Variants in HIPK2 observed in about 807,000 individuals in gnomAD.
HIPK2 encodes homeodomain interacting protein kinase 2.
Under a neutral mutation model 113.7 loss-of-function variants are expected in HIPK2, and 27 were observed. The observed-to-expected ratio is 0.24, with a 90% CI of 0.17 to 0.33. HIPK2 has a LOEUF of 0.33. HIPK2 is among the 10% of genes least tolerant of loss of function. HIPK2 has a pLI of 1.00. For synonymous variants in HIPK2, 631 were observed against 642.2 expected (o/e 0.98, Z 0.26); for missense variants, 1,257 against 1,588.0 (o/e 0.79, Z 3.54).
intron 9 of HIPK2, among the ~76,000 whole-genome samples, chr7:139,604,948 C>A (rs1799571110): frequency 6.6e-6 from 1 of 152,116 alleles, no homozygotes; most frequent in South Asian, 2.1e-4. Context: ...TGCCTAGTAT[C>A]CTTTATTTAA....
intron 2 of HIPK2, among the ~76,000 whole-genome samples, chr7:139,698,751 C>A (rs1794628993): frequency 6.6e-6 from 1 of 152,184 alleles, no homozygotes; most frequent in Admixed American, 6.5e-5. Flanking sequence ...CCCACCCCGC[C>A]ACCATCAAGT....
intron 2 of HIPK2, among the ~76,000 whole-genome samples, chr7:139,660,483 C>T (rs1470746452): frequency 6.6e-6 from 1 of 152,198 alleles, no homozygotes; most frequent in Admixed American, 6.5e-5. Context: ...GAAATAAAGT[C>T]ATTGTTTGCT....
intron 1 of HIPK2, among the ~76,000 whole-genome samples, chr7:139,762,535 A>C (rs957077281): frequency 1.3e-5 from 2 of 152,206 alleles, no homozygotes; most frequent in Non-Finnish European, 2.9e-5. Flanking sequence ...CTGTCTCAGA[A>C]TCACCCTTTG....
chr7:139,614,499 G>A lies in HIPK2; in HGVS notation c.1783-6C>T, dbSNP rs1340982225. The stretch of plus-strand genomic sequence containing the variant: ...GCACTGGTAGAGGAGGGAGCCTAAA[G>A]GAGTGATGGGGATTAAACAAAAATA... On this transcript the variant is annotated splice_polypyrimidine_tract_variant and splice_region_variant and intron_variant, in intron 7 of 14. Coordinates refer to ENST00000406875, the MANE Select transcript of HIPK2 (RefSeq NM_022740.5). 1 of 1,368,198 alleles carries A rather than the reference G, an allele frequency of 7.3e-7. No homozygotes were observed. The highest frequency in any genetic ancestry group is 1.5e-5 in the African/African-American group (1 of 67,244). The allele number at this position is 1,368,198 out of a possible 1,614,324, so 84.8% of individuals were successfully genotyped here. A position where few individuals can be genotyped will look rare whatever the true frequency, so the allele number is the denominator to read the frequency against.
chr7:139,757,665 AT>A (rs1170519099), intron 1 of HIPK2, among the ~76,000 whole-genome samples: 1 of 152,132 alleles, frequency 6.6e-6, no homozygotes, highest in Non-Finnish European at 1.5e-5. Context: ...TTGAATAGAA[AT>A]TTGACTAGTG....
At chr7:139,693,441 G>C (rs949991465) in intron 2 of HIPK2, among the ~76,000 whole-genome samples, 2 of 152,208 alleles carry the variant, frequency 1.3e-5, no homozygotes, top group Admixed American at 1.3e-4. Flanking sequence ...CAGTTGGAGA[G>C]AGAGCAGCAC....
At chr7:139,628,311 C>G (rs1163789887) in intron 5 of HIPK2, among the ~76,000 whole-genome samples, 1 of 152,166 alleles carries the variant, frequency 6.6e-6, no homozygotes, top group East Asian at 1.9e-4. Flanking sequence ...AACGGCTGCC[C>G]CAGGAAACAT....
At position 139,716,630 on chromosome 7, in the gene HIPK2, G is replaced by A. The variant is rs772830300; in HGVS notation, c.405C>T (p.Ser135=). The change falls in exon 2 of 15, where the codon AGC becomes AGT. Residue 135 remains serine, a synonymous_variant. Transcript: ENST00000406875. The surrounding 1 kb of genome is among the most constrained non-coding windows in gnomAD (Gnocchi z 9.3). ...TYQKCGLKRK[S]EEIENTSSVQ... ...CGCTGCTTGTGTTCTCGATCTCCTC[G>A]CTCTTACGCTTGAGTCCACATTTTT... 1.9e-5 allele frequency: 30 copies of A among 1,613,816 alleles called. No homozygotes were observed. The highest frequency in any genetic ancestry group is 5.0e-5 in the Admixed American group (3 of 60,002).
intron 2 of HIPK2, among the ~76,000 whole-genome samples, chr7:139,712,348 C>T (rs1468873935): frequency 4.6e-5 from 7 of 152,194 alleles, no homozygotes; most frequent in African/African-American, 7.2e-5. Flanking sequence ...TGTCTCACAC[C>T]GTTTCTGTGT....
chr7:139,624,862 T>C (rs1800371844), intron 6 of HIPK2, among the ~76,000 whole-genome samples: 1 of 152,204 alleles, frequency 6.6e-6, no homozygotes, highest in African/African-American at 2.4e-5. Flanking sequence ...CCTGGGGAGA[T>C]GAGTTACACT....
intron 1 of HIPK2, among the ~76,000 whole-genome samples, chr7:139,720,136 A>C (rs1014114596): frequency 6.6e-6 from 1 of 152,124 alleles, no homozygotes; most frequent in African/African-American, 2.4e-5. Flanking sequence ...TCCTATCTTC[A>C]CACTCTTACA....
intron 2 of HIPK2, 104 bp downstream of exon 2, chr7:139,715,828 C>T (rs748748224): frequency 2.8e-6 from 4 of 1,454,510 alleles, no homozygotes; most frequent in Admixed American, 4.6e-5. Flanking sequence ...AAGGCAGGAA[C>T]TGTAGACATA....
At chr7:139,719,335 C>A (rs1795341061) in intron 1 of HIPK2, among the ~76,000 whole-genome samples, 1 of 152,030 alleles carries the variant, frequency 6.6e-6, no homozygotes, top group Non-Finnish European at 1.5e-5. Flanking sequence ...AACTCCTGAT[C>A]TCAAGTGATC....
At chr7:139,658,067 T>G (rs1182090289) in intron 2 of HIPK2, among the ~76,000 whole-genome samples, 1 of 152,102 alleles carries the variant, frequency 6.6e-6, no homozygotes, top group African/African-American at 2.4e-5. Context: ...TTGATCACCT[T>G]AAGAATCAAT....
At chr7:139,646,302 C>T (rs914125350) in intron 2 of HIPK2, among the ~76,000 whole-genome samples, 2 of 151,904 alleles carry the variant, frequency 1.3e-5, no homozygotes, top group African/African-American at 4.8e-5. Context: ...TCAAGAGTAG[C>T]CTGGGCAACA....
intron 1 of HIPK2, among the ~76,000 whole-genome samples, chr7:139,723,728 AT>A (rs762581388): frequency 1.5e-4 from 23 of 152,252 alleles, no homozygotes; most frequent in Admixed American, 2.6e-4. Context: ...ATAAAAAAAA[AT>A]AAATTGAATT....
chr7:139,642,413 G>C (rs1801057620), intron 2 of HIPK2, among the ~76,000 whole-genome samples: 2 of 152,202 alleles, frequency 1.3e-5, no homozygotes, highest in Admixed American at 6.5e-5. Context: ...AGGTAAGAGA[G>C]AGCTGCACAG....
rs570781760 is a variant in HIPK2, at chr7:139,657,743, T to A, written c.1104-26018A>T. ...AGGTGTAGCAGTTTAATCTCTCCAA[T>A]TAAGCTATAAGCTTCTTGATTAAAA... is the stretch of plus-strand genomic sequence containing the variant. On this transcript the variant is annotated intron_variant, in intron 2 of 14. Coordinates refer to ENST00000406875, the MANE Select transcript of HIPK2 (RefSeq NM_022740.5). 2.8e-4 allele frequency among the ~76,000 whole-genome samples: 42 copies of A among 152,368 alleles called. No homozygotes were observed. In the East Asian group the frequency reaches 7.5e-3, roughly 27 times the overall value.
chr7:139,748,386 G>T (rs1349936936), intron 1 of HIPK2, among the ~76,000 whole-genome samples: 1 of 151,986 alleles, frequency 6.6e-6, no homozygotes, highest in African/African-American at 2.4e-5. Flanking sequence ...CAAGCTGGGG[G>T]GCATAATCAA....
Sources: allele counts gnomAD v4.1 joint callset (sites outside exome capture counted in the v4.1 genomes callset), GRCh38; gene constraint gnomAD v4.1.1; non-coding constraint Gnocchi (gnomAD v3.1); transcripts MANE v1.5; gene names NCBI Gene and HGNC (gene_info 2026-07-23, HGNC 2026-07-21).